MCU: variants seen among roughly 807,000 people sequenced by gnomAD.
MCU encodes the protein mitochondrial calcium uniporter.
MCU carries 12 observed loss-of-function variants against 45.2 expected under a neutral mutation model. The ratio of observed to expected loss-of-function variants is 0.27; its 90% confidence interval spans 0.17 to 0.43. MCU has a LOEUF of 0.43. MCU is among the 20% of genes least tolerant of loss of function. The probability of loss-of-function intolerance (pLI) is 1.00; values close to 1 mark genes in which losing one functional copy is unlikely to be tolerated. For missense variants in MCU, 324 were observed against 436.7 expected, an observed-to-expected ratio of 0.74 and a Z score of 2.30; for synonymous variants, 160 against 165.1, an observed-to-expected ratio of 0.97 and a Z score of 0.24.
At chr10:72,752,595 A>G (rs527241202) in intron 1 of MCU, among the ~76,000 whole-genome samples, 1 of 151,414 alleles carries the variant, frequency 6.6e-6, no homozygotes, top group East Asian at 1.9e-4. Flanking sequence ...CTGAGGGCAC[A>G]TTTGGAAGAC....
At chr10:72,882,519 C>T (rs1412535035) in intron 6 of MCU, among the ~76,000 whole-genome samples, 1 of 152,138 alleles carries the variant, frequency 6.6e-6, no homozygotes, top group Non-Finnish European at 1.5e-5. Flanking sequence ...TGGCCGTCTT[C>T]TATGGTCGAA....
intron 1 of MCU, among the ~76,000 whole-genome samples, chr10:72,814,486 G>T (rs1844595555): frequency 6.6e-6 from 1 of 152,002 alleles, no homozygotes; most frequent in Non-Finnish European, 1.5e-5. Flanking sequence ...AATGTGTGAG[G>T]AAGAGACTTC....
intron 1 of MCU, among the ~76,000 whole-genome samples, chr10:72,779,931 G>A (rs575645243): frequency 6.6e-6 from 1 of 152,176 alleles, no homozygotes; most frequent in East Asian, 1.9e-4. Context: ...TTGTAAATAT[G>A]TATATACCCA....
At position 72,785,575 on chromosome 10, in the gene MCU, T is replaced by G. The variant is rs779094530; in HGVS notation, c.151-48784T>G. 3.9e-5 allele frequency among the ~76,000 whole-genome samples: 6 copies of G among 152,182 alleles called. No individual in the cohort carries two copies. In the East Asian group the frequency reaches 5.8e-4, roughly 15 times the overall value. ...TTTATCTGACAGATTGAAATGAGCT[T>G]CTTTTGTGTGTTGGCTCATAGTCCA... On this transcript the variant is annotated intron_variant, in intron 1 of 7. Coordinates refer to ENST00000373053, the MANE Select transcript of MCU (RefSeq NM_138357.3).
chr10:72,704,143 G>A (rs568872117), intron 1 of MCU, among the ~76,000 whole-genome samples: 3 of 152,252 alleles, frequency 2.0e-5, no homozygotes, highest in South Asian at 4.1e-4. Context: ...TATGAAGGCC[G>A]GGTGGAAAGG....
chr10:72,808,627 A>G (rs1844491110), intron 1 of MCU, among the ~76,000 whole-genome samples: 1 of 152,190 alleles, frequency 6.6e-6, no homozygotes, highest in African/African-American at 2.4e-5. Context: ...ACTATAAAGA[A>G]CTACTCGAGA....
rs533203004 is a variant in MCU at position 72,810,367 on chromosome 10, G to A, written c.151-23992G>A. On this transcript the variant is annotated intron_variant, in intron 1 of 7. Transcript: ENST00000373053. ...CAGGAAACAGTTCTGAACAACTTCTGTAGGGAAGAAGTCTGAGAGTCCACT... is the reference window on the plus strand; with the variant it reads ...CAGGAAACAGTTCTGAACAACTTCTATAGGGAAGAAGTCTGAGAGTCCACT... Among the ~76,000 whole-genome samples, 4 of 151,660 alleles carry A rather than the reference G, an allele frequency of 2.6e-5. No individual in the cohort carries two copies. The South Asian group carries it at 8.3e-4, about 32-fold the overall frequency.
At chr10:72,812,767 A>T (rs1041340940) in intron 1 of MCU, among the ~76,000 whole-genome samples, 4 of 31,326 alleles carry the variant, frequency 1.3e-4, no homozygotes, top group Non-Finnish European at 4.0e-4. Flanking sequence ...CTTTCTTCAA[A>T]CCATTACTGC....
chr10:72,785,428 T>C (rs1180858045), intron 1 of MCU, among the ~76,000 whole-genome samples: 1 of 152,204 alleles, frequency 6.6e-6, no homozygotes. Flanking sequence ...AAAATGTGCA[T>C]AATAGAAATA....
chr10:72,726,793 C>G (rs993073223), intron 1 of MCU, among the ~76,000 whole-genome samples: 2 of 152,056 alleles, frequency 1.3e-5, no homozygotes, highest in African/African-American at 4.8e-5. Context: ...TTCCAAGGTC[C>G]CTTCTGGTTC....
In MCU at chr10:72,782,518, C is replaced by T. The variant is rs539075359; in HGVS notation, c.151-51841C>T. Among the ~76,000 whole-genome samples, 19 of 152,214 alleles carry T rather than the reference C, an allele frequency of 1.2e-4. 1 individual carries two copies. The East Asian group carries it at 3.5e-3, about 28-fold the overall frequency. Reference sequence around the variant, plus strand: ...TCCTGAGTAGCTGGGATTACAGGCACCTGCCACCATACCCAGCTAATTTTT... The same window carrying T: ...TCCTGAGTAGCTGGGATTACAGGCATCTGCCACCATACCCAGCTAATTTTT... On this transcript the variant is annotated intron_variant, in intron 1 of 7. Coordinates refer to ENST00000373053, the MANE Select transcript of MCU (RefSeq NM_138357.3).
At chr10:72,850,928 A>T (rs1394998763) in intron 2 of MCU, among the ~76,000 whole-genome samples, 1 of 152,260 alleles carries the variant, frequency 6.6e-6, no homozygotes, top group Non-Finnish European at 1.5e-5. Context: ...ATAGTAGCTG[A>T]CAACTGTCAT....
chr10:72,795,916 TG>T (rs1844236407), intron 1 of MCU, among the ~76,000 whole-genome samples: 2 of 151,994 alleles, frequency 1.3e-5, no homozygotes, highest in Admixed American at 6.6e-5. Flanking sequence ...GAGAATCGCT[TG>T]AACCTGGGAG....
intron 1 of MCU, among the ~76,000 whole-genome samples, chr10:72,743,092 G>A (rs918218097): frequency 6.6e-6 from 1 of 151,798 alleles, no homozygotes; most frequent in East Asian, 1.9e-4. Context: ...GCATTGCCCC[G>A]TCATTCACTG....
intron 1 of MCU, among the ~76,000 whole-genome samples, chr10:72,799,428 A>T (rs1844303827): frequency 6.6e-6 from 1 of 152,232 alleles, no homozygotes; most frequent in African/African-American, 2.4e-5. Context: ...CAGCCTTCAC[A>T]AAGCTGTTCT....
At chr10:72,880,477 G>C (rs1229665712) in intron 6 of MCU, among the ~76,000 whole-genome samples, 1 of 124,680 alleles carries the variant, frequency 8.0e-6, no homozygotes, top group South Asian at 2.3e-4. Flanking sequence ...AGAAGGCAAA[G>C]CGGGGGGGGG....
chr10:72,750,774 T>C (rs1168985848), intron 1 of MCU, among the ~76,000 whole-genome samples: 1 of 152,266 alleles, frequency 6.6e-6, no homozygotes, highest in Non-Finnish European at 1.5e-5. Flanking sequence ...GCTGCCCATT[T>C]GAATTCAGTT....
chr10:72,692,233 G>C lies in MCU; in HGVS notation c.82G>C (p.Ala28Pro). 2 of 1,242,018 alleles carry C rather than the reference G, an allele frequency of 1.6e-6. No individual in the cohort carries two copies. Among genetic ancestry groups the C allele is most frequent in the Non-Finnish European group, 2.0e-6 (2 of 987,886 alleles). 76.9% of individuals were successfully genotyped at this position (1,242,018 alleles called of 1,614,324 possible). The change falls in exon 1 of 8, where the codon GCG (alanine) becomes CCG (proline). Residue 28 changes from alanine to proline, a missense_variant. Physicochemically the swap from Ala to Pro is conservative, Grantham distance 27. This residue lies in a region of MCU where 111 missense variants were observed against 112.3 expected (regional missense o/e 0.99). Transcript: ENST00000373053. Reference protein sequence around the residue: ...GGGGGAGGCGALTAGCFPGLG... With the variant: ...GGGGGAGGCGPLTAGCFPGLG... ...CGGCGGGGGCGCCGGCGGCTGCGGG[G>C]CGCTGACTGCCGGCTGCTTCCCTGG...
At chr10:72,872,697 GC>G (rs1845561748) in intron 6 of MCU, among the ~76,000 whole-genome samples, 1 of 152,168 alleles carries the variant, frequency 6.6e-6, no homozygotes, top group South Asian at 2.1e-4. Context: ...CTGTATCTTA[GC>G]TATTGTGAAT....
Sources: gnomAD v4.1 joint callset for allele counts (sites outside exome capture counted in the v4.1 genomes callset) on GRCh38, gnomAD v4.1.1 for gene constraint, gnomAD v4.1.1 regional missense constraint, MANE v1.5 for transcripts, NCBI Gene and HGNC (gene_info 2026-07-23, HGNC 2026-07-21) for gene names.